RFFL: variants seen among roughly 807,000 people sequenced by gnomAD.
RFFL encodes the protein E3 ubiquitin-protein ligase rififylin.
In RFFL, 16 loss-of-function variants were observed where a neutral mutation model predicts 40.4. The ratio of observed to expected loss-of-function variants is 0.40; its 90% CI spans 0.27 to 0.60. The LOEUF (loss-of-function observed/expected upper bound fraction) is 0.60, where lower values mean the gene tolerates loss of function less well. Among genes scored for constraint, RFFL ranks in the 20% least tolerant of loss-of-function variants. The probability of loss-of-function intolerance (pLI) is 0.47; values close to 1 mark genes in which losing one functional copy is unlikely to be tolerated. For synonymous variants in RFFL, 154 were observed against 167.9 expected, an observed-to-expected ratio of 0.92 and a Z score of 0.64; for missense variants, 367 against 451.7, an observed-to-expected ratio of 0.81 and a Z score of 1.70.
In RFFL at chr17:35,017,526, G is replaced by A; in HGVS notation, c.672C>T (p.Thr224=). 1 of 1,606,434 alleles carries A rather than the reference G, an allele frequency of 6.2e-7. No individual in the cohort carries two copies. The highest frequency in any genetic ancestry group is 8.5e-7 in the Non-Finnish European group (1 of 1,175,168). Residue 224 remains threonine, a synonymous_variant, in exon 4 of 7, where the codon ACC becomes ACT. Transcript: ENST00000394597. ...CAGACCCAAGCAGAGGCCCCACCTG[G>A]GTCTCATCCTCAGCAGGTACTCTGG... ...SVARVPAEDE[T]QSIDSEDSFV...
chr17:35,056,772 C>T (rs751317392), intron 1 of RFFL, among the ~76,000 whole-genome samples: 1 of 152,206 alleles, frequency 6.6e-6, no homozygotes, highest in South Asian at 2.1e-4. Context: ...AGAAGGGAGA[C>T]AAACACTTCC....
At chr17:35,076,566 T>A (rs945749442) in intron 1 of RFFL, among the ~76,000 whole-genome samples, 2 of 151,502 alleles carry the variant, frequency 1.3e-5, no homozygotes, top group Non-Finnish European at 2.9e-5. Flanking sequence ...TAATCCCAGC[T>A]ACTTGGGAGG....
intron 1 of RFFL, among the ~76,000 whole-genome samples, chr17:35,078,979 CAAA>C (rs1035264568): frequency 1.0e-4 from 8 of 77,240 alleles, no homozygotes; most frequent in Admixed American, 1.5e-4. Flanking sequence ...GACACTGTTT[CAAA>C]AAAAAAAAAA....
At chr17:35,076,522 T>A (rs149313181) in intron 1 of RFFL, among the ~76,000 whole-genome samples, 1 of 151,532 alleles carries the variant, frequency 6.6e-6, no homozygotes, top group African/African-American at 2.4e-5. Context: ...CTACTAAAAA[T>A]ACAAAATTAG....
intron 1 of RFFL, among the ~76,000 whole-genome samples, chr17:35,031,629 A>G (rs1453888057): frequency 6.6e-6 from 1 of 151,978 alleles, no homozygotes; most frequent in Non-Finnish European, 1.5e-5. Flanking sequence ...GGGAGGCTAC[A>G]CAGAGGGAAA....
At chr17:35,012,177 AG>A (rs1465679910) in intron 6 of RFFL, 28 bp from the exon 7 acceptor site, 2 of 1,603,370 alleles carry the variant, frequency 1.2e-6, no homozygotes, top group Non-Finnish European at 1.7e-6. Flanking sequence ...GCAGAAAAAA[AG>A]GGGCAGAGGA....
At chr17:35,041,843 CCCGTCTCTACTAAAAA>C (rs2091167975) in intron 1 of RFFL, among the ~76,000 whole-genome samples, 1 of 151,896 alleles carries the variant, frequency 6.6e-6, no homozygotes. Flanking sequence ...ATGGTGAAAC[CCCGTCTCTACTAAAAA>C]CACAAAAATT....
intron 1 of RFFL, among the ~76,000 whole-genome samples, chr17:35,029,370 G>A (rs9892826): frequency 0.024 from 3,576 of 148,514 alleles, 179 homozygotes; most frequent in African/African-American, 0.084. Flanking sequence ...TGAGACAGGG[G>A]TCTCACTCTG....
chr17:35,072,003 G>A (rs1447225527), intron 1 of RFFL, among the ~76,000 whole-genome samples: 2 of 152,090 alleles, frequency 1.3e-5, no homozygotes, highest in African/African-American at 4.8e-5. Flanking sequence ...ATTCGAGGCT[G>A]GGTGTAGTGG....
At chr17:35,045,180 G>A (rs1041410681) in intron 1 of RFFL, among the ~76,000 whole-genome samples, 5 of 152,088 alleles carry the variant, frequency 3.3e-5, no homozygotes, top group African/African-American at 1.2e-4. Flanking sequence ...CTGGGGGAAA[G>A]AGCATTCTAG....
intron 1 of RFFL, among the ~76,000 whole-genome samples, chr17:35,051,503 T>C (rs2091231556): frequency 6.6e-6 from 1 of 152,198 alleles, no homozygotes. Flanking sequence ...ATAAAGTACA[T>C]TATTATATGA....
At position 35,021,583 on chromosome 17, in the gene RFFL, C is replaced by T; in HGVS notation, c.379G>A (p.Glu127Lys). ...DISTEMCREK[E>K]ELVLLVLGQQ... ...CCAAGGACCAAGAGCACCAGCTCTT[C>T]TTTCTCCCGGCACATTTCGGTAGAG... Residue 127 changes from glutamate (E) to lysine (K), a missense_variant, in exon 3 of 7, where the codon GAA (glutamate) becomes AAA (lysine). Coordinates refer to ENST00000394597, the MANE Select transcript of RFFL (RefSeq NM_001017368.2). The T allele has an allele frequency of 6.2e-7, 1 of 1,614,220 alleles. No homozygotes were observed. Among genetic ancestry groups the T allele is most frequent in the Non-Finnish European group, 8.5e-7 (1 of 1,180,036 alleles).
chr17:35,052,550 A>G (rs2091237876), intron 1 of RFFL, among the ~76,000 whole-genome samples: 1 of 152,204 alleles, frequency 6.6e-6, no homozygotes. Flanking sequence ...AAGGGAAAAC[A>G]CAGGTTAATA....
chr17:35,027,711 T>G (rs1480166534), intron 1 of RFFL, among the ~76,000 whole-genome samples: 5 of 106,106 alleles, frequency 4.7e-5, no homozygotes, highest in Admixed American at 2.5e-4. Flanking sequence ...ACAACAAGAG[T>G]GAAACTCCGT....
At chr17:35,012,707 G>A (rs1193337008) in intron 6 of RFFL, among the ~76,000 whole-genome samples, 1 of 152,222 alleles carries the variant, frequency 6.6e-6, no homozygotes, top group Non-Finnish European at 1.5e-5. Context: ...GGTTTCCTGA[G>A]GAAACTTCCT....
intron 1 of RFFL, among the ~76,000 whole-genome samples, chr17:35,054,955 T>C (rs1021468811): frequency 5.9e-5 from 9 of 151,724 alleles, no homozygotes; most frequent in Admixed American, 3.3e-4. Flanking sequence ...TCTTGCTTTG[T>C]TGCCCAGGCT....
intron 1 of RFFL, among the ~76,000 whole-genome samples, chr17:35,057,749 T>C (rs1023421510): frequency 3.3e-5 from 5 of 150,970 alleles, no homozygotes; most frequent in African/African-American, 1.2e-4. Context: ...TATGATCCAG[T>C]TTCCACTTCA....
chr17:35,011,701 C>A lies in RFFL; in HGVS notation c.*267G>T. 1 of 419,166 alleles carries A rather than the reference C, an allele frequency of 2.4e-6. No individual in the cohort carries two copies. The highest frequency in any genetic ancestry group is 4.4e-5 in the East Asian group (1 of 22,570). 26.0% of individuals were successfully genotyped at this position (419,166 alleles called of 1,614,324 possible). On this transcript the variant is annotated 3_prime_UTR_variant, in exon 7 of 7. Transcript: ENST00000394597. ...AAGTTCTGGAAAGTTCTCTGTTCAT[C>A]AGTTACCATCATCACTCCAAGATCA...
At chr17:35,042,559 C>T (rs2091173042) in intron 1 of RFFL, among the ~76,000 whole-genome samples, 1 of 152,052 alleles carries the variant, frequency 6.6e-6, no homozygotes, top group East Asian at 1.9e-4. Flanking sequence ...CAGTGGCTCA[C>T]ACCTGTAATC....
Sources: allele counts gnomAD v4.1 joint callset (sites outside exome capture counted in the v4.1 genomes callset), GRCh38; gene constraint gnomAD v4.1.1; transcripts MANE v1.5; gene names NCBI Gene and HGNC (gene_info 2026-07-23, HGNC 2026-07-21).